The following CPNE4 variants were observed in gnomAD, a reference collection of about 807,000 sequenced individuals.
CPNE4 encodes copine-4.
CPNE4 carries 25 observed loss-of-function variants against 67.9 expected under a neutral mutation model. That is an observed-to-expected ratio of 0.37 (90% CI 0.27 to 0.51). CPNE4 has a LOEUF of 0.51. CPNE4 is among the 20% of genes least tolerant of loss of function. CPNE4 has a pLI of 0.93. For synonymous variants in CPNE4, 242 were observed against 244.9 expected (o/e 0.99, Z 0.11); for missense variants, 464 against 690.8 (o/e 0.67, Z 3.68).
chr3:131,544,920 CCCTA>C (rs1307569001), intron 14 of CPNE4, among the ~76,000 whole-genome samples: 1 of 152,184 alleles, frequency 6.6e-6, no homozygotes, highest in Non-Finnish European at 1.5e-5. Flanking sequence ...GATGAATCTC[CCCTA>C]CCTGATAAAT....
chr3:131,731,622 A>G (rs1168680667), intron 2 of CPNE4, among the ~76,000 whole-genome samples: 3 of 151,184 alleles, frequency 2.0e-5, no homozygotes, highest in African/African-American at 7.3e-5. Context: ...GCCCCAGTCC[A>G]CTCAGCTTGA....
intron 2 of CPNE4, among the ~76,000 whole-genome samples, chr3:131,806,685 C>A (rs2084328453): frequency 6.6e-6 from 1 of 151,398 alleles, no homozygotes; most frequent in African/African-American, 2.4e-5. Context: ...TTAAAAATAT[C>A]TCTTAGGCAC....
intron 7 of CPNE4, among the ~76,000 whole-genome samples, chr3:131,594,197 T>A (rs1472619661): frequency 6.6e-6 from 1 of 152,210 alleles, no homozygotes; most frequent in Non-Finnish European, 1.5e-5. Flanking sequence ...TGTTGAGTGA[T>A]TTTATCATGA....
intron 5 of CPNE4, among the ~76,000 whole-genome samples, chr3:131,692,162 A>G (rs2081049919): frequency 6.6e-6 from 1 of 152,178 alleles, no homozygotes; most frequent in Non-Finnish European, 1.5e-5. Context: ...CATGACGGTG[A>G]TCTTGAAAAT....
chr3:131,925,043 A>G (rs917281505), intron 1 of CPNE4, among the ~76,000 whole-genome samples: 8 of 152,132 alleles, frequency 5.3e-5, no homozygotes, highest in Non-Finnish European at 1.0e-4. Context: ...TTTTCTGTGA[A>G]TTCATCTTCA....
intron 2 of CPNE4, among the ~76,000 whole-genome samples, chr3:131,803,553 A>C (rs750190767): frequency 8.5e-5 from 13 of 152,214 alleles, no homozygotes; most frequent in African/African-American, 3.1e-4. Context: ...CTGAGTAAAG[A>C]ATTTAAAATA....
intron 7 of CPNE4, among the ~76,000 whole-genome samples, chr3:131,638,650 T>C (rs1194865416): frequency 6.6e-6 from 1 of 152,144 alleles, no homozygotes; most frequent in Non-Finnish European, 1.5e-5. Context: ...TGGACTTAAC[T>C]ATACCCTAAA....
intron 1 of CPNE4, among the ~76,000 whole-genome samples, chr3:131,946,919 T>C (rs2071567691): frequency 6.6e-6 from 1 of 152,204 alleles, no homozygotes; most frequent in Non-Finnish European, 1.5e-5. Context: ...CTTTTGTATG[T>C]AGATATCCAG....
intron 7 of CPNE4, among the ~76,000 whole-genome samples, chr3:131,615,441 G>A (rs887820642): frequency 2.6e-5 from 4 of 152,128 alleles, no homozygotes; most frequent in African/African-American, 9.7e-5. Flanking sequence ...TCTAACAGAT[G>A]ATGCTTAGAA....
chr3:131,875,391 T>C (rs1221851053), intron 2 of CPNE4, among the ~76,000 whole-genome samples: 2 of 152,204 alleles, frequency 1.3e-5, no homozygotes, highest in South Asian at 4.1e-4. Flanking sequence ...TGTATGTTTA[T>C]TGTGGCACTG....
intron 2 of CPNE4, among the ~76,000 whole-genome samples, chr3:131,769,153 T>C (rs537153705): frequency 1.3e-5 from 2 of 152,272 alleles, no homozygotes; most frequent in East Asian, 3.9e-4. Context: ...ACTTATTTAT[T>C]TCACTGTTCC....
intron 1 of CPNE4, among the ~76,000 whole-genome samples, chr3:132,026,734 T>C (rs1468137314): frequency 6.6e-6 from 1 of 152,220 alleles, no homozygotes; most frequent in Non-Finnish European, 1.5e-5. Context: ...TATCCCACTT[T>C]AAATCTTCTC....
At chr3:131,859,200 C>T (rs1246893084) in intron 2 of CPNE4, among the ~76,000 whole-genome samples, 2 of 152,090 alleles carry the variant, frequency 1.3e-5, no homozygotes, top group South Asian at 2.1e-4. Flanking sequence ...TGGTGTATAC[C>T]TGTTGGTTCA....
intron 1 of CPNE4, among the ~76,000 whole-genome samples, chr3:131,915,300 C>G (rs1436515151): frequency 6.6e-6 from 1 of 152,194 alleles, no homozygotes; most frequent in African/African-American, 2.4e-5. Context: ...CAATAAATCT[C>G]TAAGGTGTAG....
intron 2 of CPNE4, among the ~76,000 whole-genome samples, chr3:131,839,293 G>A (rs1289866042): frequency 6.6e-6 from 1 of 151,760 alleles, no homozygotes; most frequent in Non-Finnish European, 1.5e-5. Context: ...ATCGTGTTAT[G>A]TCCACACAAT....
At chr3:131,556,152 T>C (rs1936446591) in intron 11 of CPNE4, among the ~76,000 whole-genome samples, 2 of 151,924 alleles carry the variant, frequency 1.3e-5, no homozygotes, top group Admixed American at 1.3e-4. Flanking sequence ...GGTGGGTAGA[T>C]CACTTGAGGC....
intron 2 of CPNE4, among the ~76,000 whole-genome samples, chr3:131,727,920 C>A (rs2082038338): frequency 6.6e-6 from 1 of 152,164 alleles, no homozygotes. Context: ...GTGGTCCTAT[C>A]AGTAGTTTAT....
chr3:131,679,037 G>A (rs2080661209), intron 6 of CPNE4, among the ~76,000 whole-genome samples: 1 of 152,120 alleles, frequency 6.6e-6, no homozygotes, highest in Admixed American at 6.6e-5. Flanking sequence ...GTAGAATTAA[G>A]CTTTGAATCT....
rs139254594 is a variant in CPNE4 at position 131,619,200 on chromosome 3, A to G, written c.682-31618T>C. On this transcript the variant is annotated intron_variant, in intron 7 of 15. Transcript: ENST00000429747. The stretch of plus-strand genomic sequence containing the variant: ...ACTGGAAAAAGCCTAAATCCCCATG[A>G]TGGTGTACAAGGTCTCACATGATTA... 4.1e-3 allele frequency among the ~76,000 whole-genome samples: 619 copies of G among 152,316 alleles called. 2 individuals carry two copies. The highest frequency in any genetic ancestry group is 6.2e-3 in the Non-Finnish European group (422 of 68,016).
Sources: gnomAD v4.1 joint callset for allele counts (sites outside exome capture counted in the v4.1 genomes callset) on GRCh38, gnomAD v4.1.1 for gene constraint, MANE v1.5 for transcripts, NCBI Gene and HGNC (gene_info 2026-07-23, HGNC 2026-07-21) for gene names.